Variants in BRINP1 observed in about 807,000 individuals in gnomAD.
BRINP1 encodes the protein BMP/retinoic acid-inducible neural-specific protein 1.
BRINP1 carries 17 observed loss-of-function variants against 72.9 expected under a neutral mutation model. That is an observed-to-expected ratio of 0.23 (90% confidence interval 0.16 to 0.35). The LOEUF (loss-of-function observed/expected upper bound fraction) is 0.35. BRINP1 is among the 10% of genes least tolerant of loss of function. The pLI is 1.00. For missense variants in BRINP1, 850 were observed against 1,001.6 expected (o/e 0.85, Z 2.04); for synonymous variants, 418 against 378.5 (o/e 1.10, Z -1.21).
intron 6 of BRINP1, among the ~76,000 whole-genome samples, chr9:119,209,466 G>T (rs1000090088): frequency 6.6e-6 from 1 of 151,968 alleles, no homozygotes; most frequent in Non-Finnish European, 1.5e-5. Flanking sequence ...TACTCGGGAG[G>T]CTGAGGCAGG....
chr9:119,364,373 T>G (rs1449282849), intron 1 of BRINP1, among the ~76,000 whole-genome samples: 1 of 152,142 alleles, frequency 6.6e-6, no homozygotes, highest in Non-Finnish European at 1.5e-5. Flanking sequence ...GTACTAAAAC[T>G]GAGACTGAAT....
At position 119,167,753 on chromosome 9, in the gene BRINP1, G is replaced by A. The variant is rs1470944554; in HGVS notation, c.1617C>T (p.His539=). 1 of 1,614,186 alleles carries A rather than the reference G, an allele frequency of 6.2e-7. No homozygotes were observed. The highest frequency in any genetic ancestry group is 8.5e-7 in the Non-Finnish European group (1 of 1,180,036). The change falls in exon 8 of 8, where the codon CAC becomes CAT. Residue 539 remains histidine (H), a synonymous_variant. Transcript: ENST00000265922. This position sits in a 1 kb window ranked among gnomAD's most constrained non-coding sequence, Gnocchi z 4.3. ...TGCGCATGGACATGCCGATCACCAT[G>A]TGGATGAAGTCCATGCGGTTCTTGT... The part of the protein sequence containing the change: ...KSNKNRMDFI[H]MVIGMSMRIC...
intron 1 of BRINP1, among the ~76,000 whole-genome samples, chr9:119,332,691 CAT>C (rs1314980665): frequency 2.0e-5 from 3 of 152,170 alleles, no homozygotes; most frequent in Non-Finnish European, 4.4e-5. Context: ...CTCGAGCTAA[CAT>C]GACTCAGCCA....
At chr9:119,221,807 G>A (rs186053686) in intron 5 of BRINP1, among the ~76,000 whole-genome samples, 10 of 152,214 alleles carry the variant, frequency 6.6e-5, no homozygotes, top group East Asian at 3.9e-4. Flanking sequence ...GCAATCAGAC[G>A]TTTCAAAGGA....
At chr9:119,208,604 G>A (rs1329577393) in intron 7 of BRINP1, 115 bp downstream of exon 7, 1 of 1,038,530 alleles carries the variant, frequency 9.6e-7, no homozygotes, top group Non-Finnish European at 1.4e-6. Context: ...ACCATGCGAG[G>A]TCCTGTTTGC....
At chr9:119,284,268 T>C (rs1173104645) in intron 2 of BRINP1, among the ~76,000 whole-genome samples, 1 of 152,174 alleles carries the variant, frequency 6.6e-6, no homozygotes, top group African/African-American at 2.4e-5. Flanking sequence ...TCCAGAGACT[T>C]GATTATCCAA....
intron 2 of BRINP1, among the ~76,000 whole-genome samples, chr9:119,251,965 T>C (rs1830393736): frequency 6.6e-6 from 1 of 152,192 alleles, no homozygotes; most frequent in African/African-American, 2.4e-5. Context: ...TGTCTCTGGT[T>C]CTCTAAGTCC....
chr9:119,279,955 T>A (rs1315047217), intron 2 of BRINP1, among the ~76,000 whole-genome samples: 5 of 152,038 alleles, frequency 3.3e-5, no homozygotes, highest in East Asian at 3.9e-4. Context: ...TGGGAATCTA[T>A]CCTAAGGAAA....
At chr9:119,311,101 G>T (rs1398428698) in intron 2 of BRINP1, among the ~76,000 whole-genome samples, 3 of 152,130 alleles carry the variant, frequency 2.0e-5, no homozygotes, top group Non-Finnish European at 2.9e-5. Flanking sequence ...CTTGAAATGT[G>T]CATGTGTTTA....
rs151157979 is a variant in BRINP1, at chr9:119,242,102, C to A, written c.524G>T (p.Arg175Leu). The change falls in exon 4 of 8, where the codon CGT becomes CTT. Residue 175 changes from arginine to leucine, a missense_variant. Physicochemically the swap from Arg to Leu is moderately radical, Grantham distance 102. Coordinates refer to ENST00000265922, the MANE Select transcript of BRINP1 (RefSeq NM_014618.3). ...HQLASSYFVD[R>L]DGTMRRLHEI... ...ATGAAGCCTCCTCATGGTACCATCA[C>A]GGTCAACAAAGTAGGATGATGCGAG... is the stretch of plus-strand genomic sequence containing the variant. 1 of 1,614,100 alleles carries A rather than the reference C, an allele frequency of 6.2e-7. No individual in the cohort carries two copies. The highest frequency in any genetic ancestry group is 8.5e-7 in the Non-Finnish European group (1 of 1,179,996).
intron 2 of BRINP1, among the ~76,000 whole-genome samples, chr9:119,298,891 T>C (rs1444571660): frequency 3.9e-5 from 6 of 152,180 alleles, no homozygotes; most frequent in African/African-American, 7.2e-5. Context: ...GTGATCCACC[T>C]ATGCATTTAC....
intron 7 of BRINP1, among the ~76,000 whole-genome samples, chr9:119,190,629 TAACA>T (rs1005861291): frequency 1.3e-5 from 2 of 151,848 alleles, no homozygotes; most frequent in African/African-American, 4.8e-5. Context: ...AACAGACCAC[TAACA>T]AAGACATTGA....
chr9:119,233,797 C>A (rs764393949), intron 5 of BRINP1, among the ~76,000 whole-genome samples: 2 of 152,158 alleles, frequency 1.3e-5, no homozygotes, highest in Admixed American at 6.5e-5. Flanking sequence ...TCAGCCACTA[C>A]CCCATTCCTC....
intron 1 of BRINP1, among the ~76,000 whole-genome samples, chr9:119,358,331 G>A (rs78557534): frequency 0.034 from 5,119 of 150,996 alleles, 261 homozygotes; most frequent in African/African-American, 0.1. Context: ...TGCACAAGGC[G>A]AAGGTTCTAA....
At chr9:119,186,978 C>G (rs1470364909) in intron 7 of BRINP1, among the ~76,000 whole-genome samples, 1 of 152,042 alleles carries the variant, frequency 6.6e-6, no homozygotes, top group Non-Finnish European at 1.5e-5. Flanking sequence ...GCAATTGTAT[C>G]CTGCTCCCCA....
chr9:119,214,717 T>A (rs879787687), intron 5 of BRINP1, among the ~76,000 whole-genome samples: 1 of 151,816 alleles, frequency 6.6e-6, no homozygotes, highest in African/African-American at 2.4e-5. Context: ...ATGAGGCAAA[T>A]GAACAGCAGA....
At chr9:119,365,535 T>C (rs974147432) in intron 1 of BRINP1, among the ~76,000 whole-genome samples, 1 of 152,058 alleles carries the variant, frequency 6.6e-6, no homozygotes, top group African/African-American at 2.4e-5. Context: ...CTCTAAGGAA[T>C]TGGGAGGGGA....
chr9:119,342,183 G>C (rs1158791733), intron 1 of BRINP1, among the ~76,000 whole-genome samples: 2 of 151,872 alleles, frequency 1.3e-5, no homozygotes, highest in African/African-American at 4.8e-5. Context: ...TTGTTTTTTG[G>C]TTTTCACTAT....
At chr9:119,193,566 G>C (rs230088) in intron 7 of BRINP1, among the ~76,000 whole-genome samples, 1 of 151,936 alleles carries the variant, frequency 6.6e-6, no homozygotes, top group Non-Finnish European at 1.5e-5. Flanking sequence ...CTTGTAACAG[G>C]AAAGTAACTA....
Sources: gnomAD v4.1 joint callset for allele counts (sites outside exome capture counted in the v4.1 genomes callset) on GRCh38, gnomAD v4.1.1 for gene constraint, Gnocchi (gnomAD v3.1) non-coding constraint, MANE v1.5 for transcripts, NCBI Gene and HGNC (gene_info 2026-07-23, HGNC 2026-07-21) for gene names.